The following MDFIC2 variants were observed in gnomAD, a reference collection of about 807,000 sequenced individuals.
MDFIC2 encodes the protein MyoD family inhibitor domain containing 2.
At chr3:70,220,863 GTCTTTCCCACCA>G (rs1430840538) in intron 2 of MDFIC2, among the ~76,000 whole-genome samples, 4 of 152,156 alleles carry the variant, frequency 2.6e-5, no homozygotes, top group African/African-American at 7.2e-5. Context: ...TTGTAAGTGT[GTCTTTCCCACCA>G]TCAGGGAGGG....
chr3:70,225,962 A>G (rs1335922993), intron 2 of MDFIC2, among the ~76,000 whole-genome samples: 1 of 152,150 alleles, frequency 6.6e-6, no homozygotes, highest in Admixed American at 6.6e-5. Flanking sequence ...TTACGTCATT[A>G]ACAATGTAGA....
chr3:70,201,813 C>T (rs1356550121), intron 3 of MDFIC2, among the ~76,000 whole-genome samples: 1 of 152,164 alleles, frequency 6.6e-6, no homozygotes. Context: ...TGCTGGATTC[C>T]CAAGACTGGC....
intron 2 of MDFIC2, among the ~76,000 whole-genome samples, chr3:70,292,209 A>G (rs1702245416): frequency 6.6e-6 from 1 of 152,194 alleles, no homozygotes; most frequent in Admixed American, 6.5e-5. Flanking sequence ...TGGAGATAAT[A>G]ATACCACATA....
chr3:70,228,528 C>A (rs1359453227), intron 2 of MDFIC2, among the ~76,000 whole-genome samples: 1 of 150,862 alleles, frequency 6.6e-6, no homozygotes, highest in East Asian at 2.0e-4. Flanking sequence ...TTTCTAAGTT[C>A]TTTGTTTGTT....
chr3:70,207,033 C>CT (rs11317960), intron 2 of MDFIC2, among the ~76,000 whole-genome samples: 5,229 of 139,612 alleles, frequency 0.037, 110 homozygotes, highest in East Asian at 0.048. Flanking sequence ...CTTATTTCTA[C>CT]TTTTTTTTTT....
chr3:70,288,960 C>A (rs995850340), intron 2 of MDFIC2, among the ~76,000 whole-genome samples: 3 of 151,912 alleles, frequency 2.0e-5, no homozygotes, highest in Admixed American at 2.0e-4. Context: ...TGTCTCTGCA[C>A]GTGAGATGGG....
In MDFIC2 at chr3:70,238,629, C is replaced by T. The variant is rs185357838; in HGVS notation, c.89-31839G>A. 2.5e-3 allele frequency among the ~76,000 whole-genome samples: 379 copies of T among 151,876 alleles called. 1 individual carries two copies. The highest frequency in any genetic ancestry group is 5.0e-3 in the Non-Finnish European group (338 of 67,928). The stretch of plus-strand genomic sequence containing the variant: ...TGTCTCAAAAAAGAAAAAAAAAAGT[C>T]TCTCTGAGAATAAACCCCCAAAAGG... On this transcript the variant is annotated intron_variant, in intron 2 of 3. Transcript: ENST00000567252.
chr3:70,305,592 CTTTG>C (rs1213444598), intron 2 of MDFIC2, among the ~76,000 whole-genome samples: 1 of 152,162 alleles, frequency 6.6e-6, no homozygotes, highest in Non-Finnish European at 1.5e-5. Flanking sequence ...TTTTTGGCAT[CTTTG>C]TTTCTTTGTC....
At chr3:70,207,790 C>T (rs1162324328) in intron 2 of MDFIC2, among the ~76,000 whole-genome samples, 1 of 151,732 alleles carries the variant, frequency 6.6e-6, no homozygotes, top group Non-Finnish European at 1.5e-5. Context: ...ATGCAAATAC[C>T]ACATCATTTT....
chr3:70,281,107 T>G (rs1281300902), intron 2 of MDFIC2, among the ~76,000 whole-genome samples: 1 of 152,184 alleles, frequency 6.6e-6, no homozygotes, highest in Non-Finnish European at 1.5e-5. Flanking sequence ...AATCAGCCTT[T>G]TGTGAACTGA....
At chr3:70,284,588 T>C (rs1702122510) in intron 2 of MDFIC2, among the ~76,000 whole-genome samples, 1 of 152,130 alleles carries the variant, frequency 6.6e-6, no homozygotes, top group African/African-American at 2.4e-5. Flanking sequence ...TAAGATCATG[T>C]CCTTTGCAAG....
chr3:70,240,947 G>A (rs1701661857), intron 2 of MDFIC2, among the ~76,000 whole-genome samples: 1 of 152,144 alleles, frequency 6.6e-6, no homozygotes, highest in African/African-American at 2.4e-5. Flanking sequence ...TTTGATAAAT[G>A]AGCCAAGTTA....
At chr3:70,302,938 C>A (rs189266247) in intron 2 of MDFIC2, among the ~76,000 whole-genome samples, 1 of 152,238 alleles carries the variant, frequency 6.6e-6, no homozygotes, top group East Asian at 1.9e-4. Context: ...TAGGATGTGA[C>A]ACTGGAATTT....
intron 3 of MDFIC2, among the ~76,000 whole-genome samples, chr3:70,200,714 C>G (rs4525829): frequency 0.1 from 15,548 of 152,226 alleles, 1,205 homozygotes; most frequent in African/African-American, 0.21. Flanking sequence ...AGCCATATCT[C>G]TCTCTCTGGT....
chr3:70,278,402 T>A (rs1347919159), intron 2 of MDFIC2, among the ~76,000 whole-genome samples: 1 of 152,096 alleles, frequency 6.6e-6, no homozygotes, highest in Non-Finnish European at 1.5e-5. Context: ...TTGGTTGACA[T>A]AAACACTGGG....
intron 2 of MDFIC2, among the ~76,000 whole-genome samples, chr3:70,234,862 T>G (rs980753351): frequency 2.0e-5 from 3 of 152,210 alleles, no homozygotes; most frequent in African/African-American, 7.2e-5. Context: ...TTCTTCTCAC[T>G]TATTCAAATC....
intron 2 of MDFIC2, among the ~76,000 whole-genome samples, chr3:70,213,706 GT>G (rs1312794679): frequency 6.6e-6 from 1 of 152,024 alleles, no homozygotes; most frequent in Non-Finnish European, 1.5e-5. Context: ...GGTGATTTTT[GT>G]TGTTAAAATG....
At chr3:70,309,722 A>T (rs1187777781) in intron 2 of MDFIC2, among the ~76,000 whole-genome samples, 4 of 152,198 alleles carry the variant, frequency 2.6e-5, no homozygotes, top group Non-Finnish European at 4.4e-5. Context: ...ACTCATCCTG[A>T]TAATTCCCAA....
At chr3:70,212,876 T>G (rs1701365035) in intron 2 of MDFIC2, among the ~76,000 whole-genome samples, 1 of 151,970 alleles carries the variant, frequency 6.6e-6, no homozygotes, top group South Asian at 2.1e-4. Context: ...TCACTGCAGC[T>G]TCAACCTCCC....
Sources: gnomAD v4.1 joint callset for allele counts (sites outside exome capture counted in the v4.1 genomes callset) on GRCh38, gnomAD v4.1.1 for gene constraint, MANE v1.5 for transcripts, NCBI Gene and HGNC (gene_info 2026-07-23, HGNC 2026-07-21) for gene names.